Variants in CCBE1 observed in about 807,000 individuals in gnomAD.
CCBE1 encodes collagen and calcium binding EGF domains 1, also known as collagen and calcium-binding EGF domain-containing protein 1.
CCBE1 carries 37 observed loss-of-function variants against 50.0 expected under a neutral mutation model. The observed-to-expected ratio is 0.74, with a 90% CI of 0.57 to 0.97. The LOEUF is 0.97. Among genes scored for constraint, CCBE1 ranks in the 50% least tolerant of loss-of-function variants. The pLI, the probability that CCBE1 is intolerant of heterozygous loss-of-function variation, is 0.00. For missense variants in CCBE1, 538 were observed against 523.8 expected, an observed-to-expected ratio of 1.03 and a Z score of -0.26; for synonymous variants, 234 against 203.7, an observed-to-expected ratio of 1.15 and a Z score of -1.27.
At chr18:59,697,478 G>C, upstream of CCBE1, 1 of 1,150,960 alleles carries the variant, frequency 8.7e-7, no homozygotes, top group Non-Finnish European at 1.2e-6. Context: ...ACCTGCACGG[G>C]GAGCAGGGGT....
At chr18:59,469,377 C>T (rs1378928727) in intron 4 of CCBE1, 96 bp downstream of exon 4, 21 of 1,519,506 alleles carry the variant, frequency 1.4e-5, no homozygotes, top group Non-Finnish European at 1.9e-5. Context: ...ACAACTCCAT[C>T]CAACAAGTAT....
intron 2 of CCBE1, among the ~76,000 whole-genome samples, chr18:59,691,226 G>A (rs932517157): frequency 2.0e-5 from 3 of 152,212 alleles, no homozygotes; most frequent in African/African-American, 7.2e-5. Flanking sequence ...AGCCTCTGAG[G>A]ATATAGTCAT....
At chr18:59,632,315 G>C (rs1027953842) in intron 2 of CCBE1, among the ~76,000 whole-genome samples, 3 of 152,136 alleles carry the variant, frequency 2.0e-5, no homozygotes, top group Non-Finnish European at 4.4e-5. Flanking sequence ...TTTTGAGACT[G>C]AGTCTTGCTC....
chr18:59,524,809 A>G (rs1914752338), intron 2 of CCBE1, among the ~76,000 whole-genome samples: 1 of 152,168 alleles, frequency 6.6e-6, no homozygotes, highest in African/African-American at 2.4e-5. Flanking sequence ...ATGTGTTCTC[A>G]CTATTCAGCT....
intron 2 of CCBE1, among the ~76,000 whole-genome samples, chr18:59,480,604 A>G (rs1210779555): frequency 6.6e-6 from 1 of 152,162 alleles, no homozygotes; most frequent in Non-Finnish European, 1.5e-5. Flanking sequence ...GGCCAAAGAG[A>G]TACAACTTGT....
chr18:59,477,021 AGG>A, intron 3 of CCBE1, among the ~76,000 whole-genome samples: 1 of 152,234 alleles, frequency 6.6e-6, no homozygotes, highest in African/African-American at 2.4e-5. Context: ...CTAGTTTCAA[AGG>A]GAGGAATACT....
chr18:59,518,971 A>T (rs1016869678), intron 2 of CCBE1, among the ~76,000 whole-genome samples: 23 of 152,328 alleles, frequency 1.5e-4, no homozygotes, highest in African/African-American at 5.3e-4. Flanking sequence ...AGAAACCCAC[A>T]GAAGTAACTT....
In CCBE1 at chr18:59,625,838, C is replaced by A. The variant is rs537620220; in HGVS notation, c.212+70791G>T. On this transcript the variant is annotated intron_variant, in intron 2 of 10. Coordinates refer to ENST00000439986, the MANE Select transcript of CCBE1 (RefSeq NM_133459.4). ...GTCTTTGGGGTGGTGATTAAGTCAT[C>A]ATGAATGATTAGTAACTTGTAAAAG... 2.0e-5 allele frequency among the ~76,000 whole-genome samples: 3 copies of A among 152,224 alleles called. No homozygotes were observed. The South Asian group carries it at 6.2e-4, about 32-fold the overall frequency.
At chr18:59,588,918 T>C (rs1053433183) in intron 2 of CCBE1, among the ~76,000 whole-genome samples, 6 of 152,194 alleles carry the variant, frequency 3.9e-5, no homozygotes, top group Admixed American at 3.3e-4. Context: ...TGAGGAACCA[T>C]CCCATGCACA....
chr18:59,484,829 A>T (rs1912738149), intron 2 of CCBE1, among the ~76,000 whole-genome samples: 1 of 152,232 alleles, frequency 6.6e-6, no homozygotes. Flanking sequence ...ACACCCATCA[A>T]TCATAAATCA....
intron 3 of CCBE1, among the ~76,000 whole-genome samples, 178 bp downstream of exon 3, chr18:59,480,008 G>A (rs1269559033): frequency 6.6e-6 from 1 of 152,200 alleles, no homozygotes; most frequent in Non-Finnish European, 1.5e-5. Flanking sequence ...TTCAGACACT[G>A]CACGCTACAT....
intron 2 of CCBE1, among the ~76,000 whole-genome samples, chr18:59,578,608 T>C (rs2053036815): frequency 1.3e-5 from 2 of 152,202 alleles, no homozygotes; most frequent in Admixed American, 6.5e-5. Context: ...CGTAGAATAC[T>C]ATGCACCCAT....
intron 2 of CCBE1, among the ~76,000 whole-genome samples, chr18:59,501,649 C>G (rs1913628313): frequency 6.6e-6 from 1 of 152,202 alleles, no homozygotes; most frequent in Admixed American, 6.5e-5. Flanking sequence ...CACATTCCTA[C>G]TACCTGTGCT....
intron 2 of CCBE1, among the ~76,000 whole-genome samples, chr18:59,556,192 C>T (rs906472619): frequency 5.3e-5 from 8 of 152,184 alleles, no homozygotes; most frequent in Non-Finnish European, 1.2e-4. Flanking sequence ...TTGTCATGGG[C>T]TGCTTTGGGA....
intron 2 of CCBE1, among the ~76,000 whole-genome samples, chr18:59,661,089 G>A (rs1485479111): frequency 6.6e-6 from 1 of 151,872 alleles, no homozygotes; most frequent in Non-Finnish European, 1.5e-5. Flanking sequence ...ACAATATAGA[G>A]CTAACATACT....
At chr18:59,481,661 A>G (rs1912576659) in intron 2 of CCBE1, among the ~76,000 whole-genome samples, 1 of 152,238 alleles carries the variant, frequency 6.6e-6, no homozygotes, top group African/African-American at 2.4e-5. Flanking sequence ...AGACAGTGAT[A>G]TGACATCCTT....
intron 2 of CCBE1, among the ~76,000 whole-genome samples, chr18:59,627,772 G>C (rs1339169050): frequency 1.3e-5 from 2 of 152,152 alleles, no homozygotes; most frequent in African/African-American, 2.4e-5. Flanking sequence ...TGGCCCCACA[G>C]ACACCTTGAT....
intron 2 of CCBE1, among the ~76,000 whole-genome samples, chr18:59,534,574 C>T (rs1915176524): frequency 6.6e-6 from 1 of 152,204 alleles, no homozygotes; most frequent in East Asian, 1.9e-4. Context: ...ACAGTGTGGT[C>T]TCTAGCATCA....
chr18:59,516,929 T>C (rs952111671), intron 2 of CCBE1, among the ~76,000 whole-genome samples: 5 of 152,206 alleles, frequency 3.3e-5, no homozygotes, highest in Non-Finnish European at 7.3e-5. Context: ...TAACCTTTCT[T>C]ATCACTATCT....
Sources: allele counts gnomAD v4.1 joint callset (sites outside exome capture counted in the v4.1 genomes callset), GRCh38; gene constraint gnomAD v4.1.1; transcripts MANE v1.5; gene names NCBI Gene and HGNC (gene_info 2026-07-23, HGNC 2026-07-21).